NRXN3: variants seen among roughly 807,000 people sequenced by gnomAD.
The protein encoded by NRXN3 is neurexin 3.
NRXN3 carries 32 observed loss-of-function variants against 137.6 expected under a neutral mutation model. That is an observed-to-expected ratio of 0.23 (90% CI 0.18 to 0.31). The LOEUF (loss-of-function observed/expected upper bound fraction) is 0.31. Ranked by LOEUF, NRXN3 falls within the 10% of genes least tolerant of loss-of-function variation. The pLI, the probability that NRXN3 is intolerant of heterozygous loss-of-function variation, is 1.00. For missense variants in NRXN3, 1,574 were observed against 2,062.5 expected (o/e 0.76, Z 4.59); for synonymous variants, 798 against 784.5 (o/e 1.02, Z -0.29).
intron 15 of NRXN3, among the ~76,000 whole-genome samples, chr14:79,090,142 A>G (rs1354980816): frequency 6.6e-6 from 1 of 152,164 alleles, no homozygotes; most frequent in African/African-American, 2.4e-5. Context: ...CTTTTTAATA[A>G]TAAGAAATGT....
At chr14:79,819,364 CTT>C (rs961492724) in intron 20 of NRXN3, among the ~76,000 whole-genome samples, 1 of 146,846 alleles carries the variant, frequency 6.8e-6, no homozygotes, top group Non-Finnish European at 1.5e-5. Flanking sequence ...AATGTGTAGT[CTT>C]TTTTTTTGTT....
chr14:78,728,913 A>G (rs772786781), intron 8 of NRXN3, among the ~76,000 whole-genome samples: 1 of 152,124 alleles, frequency 6.6e-6, no homozygotes, highest in Non-Finnish European at 1.5e-5. Flanking sequence ...ACAAACAAAC[A>G]AACAACAACA....
At chr14:79,213,485 AC>A (rs1235791466) in intron 15 of NRXN3, among the ~76,000 whole-genome samples, 4 of 152,188 alleles carry the variant, frequency 2.6e-5, no homozygotes, top group African/African-American at 7.2e-5. Flanking sequence ...ACATTGTATC[AC>A]AAATTACTTC....
chr14:79,717,484 A>G (rs1398384979), intron 19 of NRXN3, among the ~76,000 whole-genome samples: 4 of 152,226 alleles, frequency 2.6e-5, no homozygotes, highest in East Asian at 1.9e-4. Flanking sequence ...GCAATCAGTG[A>G]GAGACTGGGT....
intron 1 of NRXN3, among the ~76,000 whole-genome samples, chr14:78,224,988 G>A (rs36182263): frequency 0.063 from 9,513 of 151,834 alleles, 378 homozygotes; most frequent in East Asian, 0.15. Context: ...GGATGGTCTC[G>A]ATCTCCTGAC....
intron 15 of NRXN3, among the ~76,000 whole-genome samples, chr14:79,251,670 G>A (rs1251988030): frequency 3.3e-5 from 5 of 152,132 alleles, no homozygotes; most frequent in African/African-American, 9.7e-5. Flanking sequence ...CAATACCATT[G>A]AGGATAGAGC....
At chr14:78,187,341 T>C (rs2060317023) in intron 1 of NRXN3, among the ~76,000 whole-genome samples, 1 of 151,532 alleles carries the variant, frequency 6.6e-6, no homozygotes, top group Non-Finnish European at 1.5e-5. Flanking sequence ...AGCTTTGGGG[T>C]CACTCATGCA....
intron 15 of NRXN3, chr14:79,246,771 A>G (rs1360045392): frequency 6.6e-6 from 1 of 152,186 alleles, no homozygotes; most frequent in Non-Finnish European, 1.5e-5. Flanking sequence ...AAACTTTTTG[A>G]GACAACATTT....
chr14:79,795,131 G>A (rs1256303682), intron 19 of NRXN3, among the ~76,000 whole-genome samples: 2 of 152,138 alleles, frequency 1.3e-5, no homozygotes, highest in East Asian at 3.9e-4. Flanking sequence ...TTTATGAACT[G>A]GAACGGGGAA....
intron 15 of NRXN3, among the ~76,000 whole-genome samples, chr14:79,010,819 C>A (rs537108034): frequency 1.3e-5 from 2 of 152,280 alleles, no homozygotes; most frequent in Admixed American, 6.5e-5. Context: ...AACTGGCCCA[C>A]ACACCACAAA....
At chr14:78,727,509 A>T (rs1256841657) in intron 8 of NRXN3, among the ~76,000 whole-genome samples, 1 of 152,102 alleles carries the variant, frequency 6.6e-6, no homozygotes, top group African/African-American at 2.4e-5. Flanking sequence ...GTGGGAGGCC[A>T]GGGCAGGTGG....
intron 16 of NRXN3, among the ~76,000 whole-genome samples, chr14:79,470,943 AGAGAGAGAGTGTGTGTGT>A (rs1567214376): frequency 1.0e-4 from 9 of 89,028 alleles, no homozygotes; most frequent in African/African-American, 4.1e-4. Context: ...AGAGAGAAAG[AGAGAGAGAGTGTGTGTGT>A]GTGTGTGTGT....
chr14:79,819,772 C>G (rs763558451), intron 20 of NRXN3, among the ~76,000 whole-genome samples: 2 of 151,610 alleles, frequency 1.3e-5, no homozygotes, highest in African/African-American at 4.9e-5. Context: ...CATCAGCCAC[C>G]GCACCCGGCC....
chr14:79,654,641 T>G (rs1260603174), intron 16 of NRXN3, among the ~76,000 whole-genome samples: 4 of 152,180 alleles, frequency 2.6e-5, no homozygotes, highest in African/African-American at 9.7e-5. Context: ...TATTCATACC[T>G]CAAACATATC....
Position 79,861,493 on chromosome 14 carries a change from C to A in NRXN3, c.4245C>A (p.Ser1415=). Residue 1415 remains serine (S), a synonymous_variant, in exon 21 of 21, where the codon TCC becomes TCA. Transcript: ENST00000335750. This position sits in a 1 kb window ranked among gnomAD's most constrained non-coding sequence, Gnocchi z 5.4. ...CTGAGCTGATCCGCTTCACAGCTTCCTCCTCGTCTGGGATGGTGCCCAAAT... is the reference window on the plus strand; with the variant it reads ...CTGAGCTGATCCGCTTCACAGCTTCATCCTCGTCTGGGATGGTGCCCAAAT... ...LSPELIRFTA[S]SSSGMVPKLP... is the part of the protein sequence containing the mutation. 4 of 1,538,606 alleles carry A rather than the reference C, an allele frequency of 2.6e-6. No individual in the cohort carries two copies. Among genetic ancestry groups the A allele is most frequent in the Non-Finnish European group, 2.6e-6 (3 of 1,147,148 alleles).
At chr14:79,700,247 T>G (rs1402036282) in intron 19 of NRXN3, among the ~76,000 whole-genome samples, 5 of 151,976 alleles carry the variant, frequency 3.3e-5, no homozygotes, top group African/African-American at 1.2e-4. Flanking sequence ...AATATGCCTA[T>G]GTGACCCCAC....
intron 3 of NRXN3, among the ~76,000 whole-genome samples, chr14:78,285,322 G>GA (rs1019126916): frequency 1.4e-4 from 22 of 152,098 alleles, no homozygotes; most frequent in African/African-American, 4.8e-4. Context: ...TACTTTATGA[G>GA]AAAAAAACAC....
At chr14:79,696,889 T>A (rs1451384310) in intron 18 of NRXN3, among the ~76,000 whole-genome samples, 1 of 151,962 alleles carries the variant, frequency 6.6e-6, no homozygotes, top group Admixed American at 6.6e-5. Flanking sequence ...ACTGGAGCAT[T>A]ACCAATATGC....
chr14:78,572,301 C>T (rs1205009297), intron 4 of NRXN3, among the ~76,000 whole-genome samples: 1 of 152,194 alleles, frequency 6.6e-6, no homozygotes, highest in East Asian at 1.9e-4. Context: ...CTCTCATTCT[C>T]TTGCTTGCTC....
Sources: gnomAD v4.1 joint callset for allele counts (sites outside exome capture counted in the v4.1 genomes callset) on GRCh38, gnomAD v4.1.1 for gene constraint, Gnocchi (gnomAD v3.1) non-coding constraint, MANE v1.5 for transcripts, NCBI Gene and HGNC (gene_info 2026-07-23, HGNC 2026-07-21) for gene names.